Variants in OTULINL observed in about 807,000 individuals in gnomAD.
The protein encoded by OTULINL is OTU deubiquitinase with linear linkage specificity like, also known as inactive ubiquitin thioesterase OTULINL.
In OTULINL, 42 loss-of-function variants were observed where a neutral mutation model predicts 43.9. That is an observed-to-expected ratio of 0.96 (90% confidence interval 0.75 to 1.24). OTULINL has a LOEUF of 1.24. OTULINL is among the 50% of genes most tolerant of loss of function. OTULINL has a pLI of 0.00. For missense variants in OTULINL, 411 were observed against 426.4 expected (o/e 0.96, Z 0.32); for synonymous variants, 172 against 153.6 (o/e 1.12, Z -0.88).
chr5:14,608,649 A>G (rs1759520285), intron 6 of OTULINL, 99 bp from the exon 7 acceptor site: 2 of 1,011,426 alleles, frequency 2.0e-6, no homozygotes, highest in African/African-American at 3.3e-5. Flanking sequence ...ACTTTTTTCT[A>G]TTAATCTTTG....
chr5:14,602,674 A>G (rs1759408974), intron 5 of OTULINL, among the ~76,000 whole-genome samples: 1 of 152,112 alleles, frequency 6.6e-6, no homozygotes, highest in Non-Finnish European at 1.5e-5. Flanking sequence ...GGGCTCAAGC[A>G]GTCTGTCCAC....
At chr5:14,588,862 T>A (rs1056410046) in intron 1 of OTULINL, among the ~76,000 whole-genome samples, 1 of 152,202 alleles carries the variant, frequency 6.6e-6, no homozygotes, top group Non-Finnish European at 1.5e-5. Flanking sequence ...CAACAACTTC[T>A]TGGCCAGAAT....
Position 14,581,916 on chromosome 5 carries a change from A to G in OTULINL, c.22A>G (p.Thr8Ala). 1 of 1,410,172 alleles carries G rather than the reference A, an allele frequency of 7.1e-7. No individual in the cohort carries two copies. The allele number at this position is 1,410,172 out of a possible 1,614,324, so 87.4% of individuals were successfully genotyped here. A position where few individuals can be genotyped will look rare whatever the true frequency, so the allele number is the denominator to read the frequency against. The stretch of plus-strand genomic sequence containing the variant: ...CGGCATGGCGGCGACAAGGAGCCCC[A>G]CGCGGGCAAGGGAGCGGGAGCGGTC... MAATRSP[T>A]RARERERSGA... The change falls in exon 1 of 8, where the codon ACG (threonine) becomes GCG (alanine). Residue 8 changes from threonine (T) to alanine (A), a missense_variant. By Grantham distance (58) the Thr-to-Ala change is moderately conservative (BLOSUM62 0). Coordinates refer to ENST00000274217, the MANE Select transcript of OTULINL (RefSeq NM_019018.3).
intron 5 of OTULINL, among the ~76,000 whole-genome samples, chr5:14,606,169 G>A (rs1032158638): frequency 1.3e-5 from 2 of 152,256 alleles, no homozygotes; most frequent in Non-Finnish European, 2.9e-5. Flanking sequence ...GAAGTCAGAG[G>A]AGCAAGTCAC....
chr5:14,601,314 G>A, intron 3 of OTULINL, 37 bp from the exon 4 acceptor site: 1 of 1,610,748 alleles, frequency 6.2e-7, no homozygotes, highest in Non-Finnish European at 8.5e-7. Flanking sequence ...GAGAAGAAAG[G>A]GAGAATTAAC....
At chr5:14,587,395 A>C (rs1015685920) in intron 1 of OTULINL, among the ~76,000 whole-genome samples, 18 of 152,202 alleles carry the variant, frequency 1.2e-4, no homozygotes, top group Admixed American at 8.5e-4. Context: ...GCTGAATGTA[A>C]CCAGTCACTG....
rs184372958 is a variant in OTULINL, at chr5:14,603,558, G to A, written c.498+1226G>A. 6.8e-4 allele frequency among the ~76,000 whole-genome samples: 104 copies of A among 152,260 alleles called. 1 individual carries two copies. The highest frequency in any genetic ancestry group is 1.9e-3 in the African/African-American group (80 of 41,538). On this transcript the variant is annotated intron_variant, in intron 5 of 7. Coordinates refer to ENST00000274217, the MANE Select transcript of OTULINL (RefSeq NM_019018.3). ...GAATTGGTATCATTGTGCTTTTAGT[G>A]TGCATTCCCCAATGAGTAATGATGT...
intron 1 of OTULINL, among the ~76,000 whole-genome samples, chr5:14,591,762 A>G (rs998971021): frequency 6.6e-6 from 1 of 152,216 alleles, no homozygotes; most frequent in South Asian, 2.1e-4. Flanking sequence ...GTGCAGTACA[A>G]TCACAGGCTG....
Position 14,607,329 on chromosome 5 carries a change from G to A in OTULINL, c.499-1G>A. On this transcript the variant is annotated splice_acceptor_variant, in intron 5 of 7. Coordinates refer to ENST00000274217, the MANE Select transcript of OTULINL (RefSeq NM_019018.3). LOFTEE classifies it high-confidence loss of function. ...TAGTTGGCATCTACTTCCTTTTCAA[G>A]CTTCCTGAAAAACTGCTGTTTTCAC... 6.2e-7 allele frequency: 1 copy of A among 1,612,176 alleles called. No homozygotes were observed. The highest frequency in any genetic ancestry group is 8.5e-7 in the Non-Finnish European group (1 of 1,179,586).
At chr5:14,589,223 A>G (rs909472419) in intron 1 of OTULINL, among the ~76,000 whole-genome samples, 1 of 152,184 alleles carries the variant, frequency 6.6e-6, no homozygotes, top group African/African-American at 2.4e-5. Flanking sequence ...TGTGAAAAGG[A>G]CACCGTGTGC....
intron 1 of OTULINL, among the ~76,000 whole-genome samples, chr5:14,591,019 G>T (rs1004896299): frequency 6.6e-6 from 1 of 152,206 alleles, no homozygotes; most frequent in African/African-American, 2.4e-5. Context: ...CAGAACTGGG[G>T]AAGGGAGACC....
rs1177027963 is a variant in OTULINL, at chr5:14,610,194, A to G, written c.951A>G (p.Arg317=). The change falls in exon 8 of 8, where the codon AGA becomes AGG. Residue 317 remains arginine, a synonymous_variant. Coordinates refer to ENST00000274217, the MANE Select transcript of OTULINL (RefSeq NM_019018.3). ...YSLEVKIKVF[R]LFKFNSRDFE... ...TTGAAGTAAAGATAAAAGTGTTCAG[A>G]CTGTTCAAGTTTAACTCCAGAGACT... 5.6e-6 allele frequency: 9 copies of G among 1,614,100 alleles called. No individual in the cohort carries two copies. The highest frequency in any genetic ancestry group is 7.6e-6 in the Non-Finnish European group (9 of 1,179,976).
chr5:14,593,085 G>C (rs1391634429), intron 1 of OTULINL, among the ~76,000 whole-genome samples: 1 of 152,218 alleles, frequency 6.6e-6, no homozygotes, highest in Non-Finnish European at 1.5e-5. Context: ...GGAGAATCCA[G>C]TCGGTTGCAT....
At chr5:14,606,418 G>T (rs549558032) in intron 5 of OTULINL, among the ~76,000 whole-genome samples, 3 of 152,100 alleles carry the variant, frequency 2.0e-5, no homozygotes, top group East Asian at 3.8e-4. Flanking sequence ...CTTTAAAAAA[G>T]AAAACAAAAC....
chr5:14,615,538 T>C lies in OTULINL; in HGVS notation c.*5224T>C, dbSNP rs1052681567. The stretch of plus-strand genomic sequence containing the variant: ...GATTCCTAGTAGGCACATCTGTGAC[T>C]CCCTTAAATAAAAAGGGCCAGAGAT... On this transcript the variant is annotated 3_prime_UTR_variant, in exon 8 of 8. Transcript: ENST00000274217. 6.6e-6 allele frequency among the ~76,000 whole-genome samples: 1 copy of C among 152,100 alleles called. No homozygotes were observed. The highest frequency in any genetic ancestry group is 2.4e-5 in the African/African-American group (1 of 41,410).
At chr5:14,584,745 C>T (rs1759076036) in intron 1 of OTULINL, among the ~76,000 whole-genome samples, 1 of 152,200 alleles carries the variant, frequency 6.6e-6, no homozygotes. Context: ...AGGTTACCCA[C>T]CTCCTATGTA....
At position 14,581,946 on chromosome 5, in the gene OTULINL, G is replaced by A. The variant is rs1388989837; in HGVS notation, c.52G>A (p.Ala18Thr). The A allele has an allele frequency of 7.3e-7, 1 of 1,366,976 alleles. No individual in the cohort carries two copies. The highest frequency in any genetic ancestry group is 9.4e-7 in the Non-Finnish European group (1 of 1,061,072). 84.7% of individuals were successfully genotyped at this position (1,366,976 alleles called of 1,614,324 possible). A position where few individuals can be genotyped will look rare whatever the true frequency, so the allele number is the denominator to read the frequency against. ...TRARERERSG[A>T]PAAGSDQVHS... ...GGCAAGGGAGCGGGAGCGGTCTGGC[G>A]CTCCCGCCGCAGGTGAGCCTGGGGC... The change falls in exon 1 of 8, where the codon GCT becomes ACT. Residue 18 changes from alanine to threonine, a missense_variant. Coordinates refer to ENST00000274217, the MANE Select transcript of OTULINL (RefSeq NM_019018.3).
chr5:14,610,080 G>T lies in OTULINL; in HGVS notation c.898-61G>T, dbSNP rs559553110. The stretch of plus-strand genomic sequence containing the variant: ...CTGCAGAGGAACACTTCCCCCCACC[G>T]TGGCGGGAGGCAGGAATTTGCAAGT... On this transcript the variant is annotated intron_variant, in intron 7 of 7. Coordinates refer to ENST00000274217, the MANE Select transcript of OTULINL (RefSeq NM_019018.3). 2.0e-6 allele frequency: 3 copies of T among 1,471,674 alleles called. No individual in the cohort carries two copies. The African/African-American group carries it at 4.2e-5, about 21-fold the overall frequency. 91.2% of individuals were successfully genotyped at this position (1,471,674 alleles called of 1,614,324 possible).
chr5:14,610,107 T>C, intron 7 of OTULINL, 34 bp from the exon 8 acceptor site: 2 of 1,589,974 alleles, frequency 1.3e-6, no homozygotes, highest in Non-Finnish European at 1.7e-6. Context: ...TTTGCAAGTG[T>C]GTATCTGTGA....
Sources: gnomAD v4.1 joint callset for allele counts (sites outside exome capture counted in the v4.1 genomes callset) on GRCh38, gnomAD v4.1.1 for gene constraint, MANE v1.5 for transcripts, NCBI Gene and HGNC (gene_info 2026-07-23, HGNC 2026-07-21) for gene names.